FARS2: variants seen among roughly 807,000 people sequenced by gnomAD.
FARS2 encodes the protein phenylalanyl-tRNA synthetase 2, mitochondrial, also known as phenylalanine--tRNA ligase, mitochondrial.
A neutral mutation model predicts 46.4 loss-of-function variants in FARS2; 40 were observed. The ratio of observed to expected loss-of-function variants is 0.86; its 90% CI spans 0.67 to 1.12. The LOEUF is 1.12. FARS2 is among the 50% of genes most tolerant of loss of function. The pLI is 0.00. For missense variants in FARS2, 513 were observed against 567.9 expected (o/e 0.90, Z 0.98); for synonymous variants, 234 against 214.9 (o/e 1.09, Z -0.78).
chr6:5,724,864 T>A (rs1760147631), intron 6 of FARS2, among the ~76,000 whole-genome samples: 1 of 152,226 alleles, frequency 6.6e-6, no homozygotes, highest in African/African-American at 2.4e-5. Flanking sequence ...CTGCCCCTTT[T>A]TGGAATATAT....
intron 5 of FARS2, among the ~76,000 whole-genome samples, chr6:5,551,368 T>C (rs1481798138): frequency 6.6e-6 from 1 of 152,192 alleles, no homozygotes; most frequent in Non-Finnish European, 1.5e-5. Context: ...TCAGACAGTA[T>C]AGGTTTTCTC....
intron 3 of FARS2, among the ~76,000 whole-genome samples, chr6:5,409,794 A>G (rs534064711): frequency 4.7e-4 from 72 of 152,338 alleles, no homozygotes; most frequent in Non-Finnish European, 9.1e-4. Flanking sequence ...GTGGCCAGGC[A>G]TCCTGAAACT....
chr6:5,511,153 G>C (rs1463633264), intron 4 of FARS2, among the ~76,000 whole-genome samples: 1 of 152,202 alleles, frequency 6.6e-6, no homozygotes, highest in Non-Finnish European at 1.5e-5. Flanking sequence ...ATGAATGGTA[G>C]AGGGACAGAA....
At chr6:5,549,170 C>A (rs967959776) in intron 5 of FARS2, among the ~76,000 whole-genome samples, 1 of 148,984 alleles carries the variant, frequency 6.7e-6, no homozygotes, top group Non-Finnish European at 1.5e-5. Flanking sequence ...ACCTTCTTGA[C>A]TTTTCTGGCT....
intron 4 of FARS2, among the ~76,000 whole-genome samples, chr6:5,509,971 T>G (rs1250364478): frequency 6.6e-6 from 1 of 152,170 alleles, no homozygotes; most frequent in Non-Finnish European, 1.5e-5. Context: ...TTTATGGTGG[T>G]GTTAACTGTA....
chr6:5,389,166 C>CT (rs1760327067), intron 2 of FARS2, among the ~76,000 whole-genome samples: 1 of 152,144 alleles, frequency 6.6e-6, no homozygotes, highest in Non-Finnish European at 1.5e-5. Context: ...AAAATATCGG[C>CT]TTGCAGAAAT....
intron 6 of FARS2, among the ~76,000 whole-genome samples, chr6:5,715,652 A>G (rs1220405524): frequency 6.6e-6 from 1 of 152,234 alleles, no homozygotes; most frequent in East Asian, 1.9e-4. Context: ...ATGTATCAAT[A>G]TGGCATTCCT....
At chr6:5,456,132 T>G (rs1431811111) in intron 4 of FARS2, among the ~76,000 whole-genome samples, 5 of 152,124 alleles carry the variant, frequency 3.3e-5, no homozygotes, top group Admixed American at 2.6e-4. Context: ...GGAGGATTGC[T>G]TGAGCCTGGA....
At chr6:5,523,888 ACTT>A (rs1582348645) in intron 4 of FARS2, among the ~76,000 whole-genome samples, 1 of 152,054 alleles carries the variant, frequency 6.6e-6, no homozygotes, top group African/African-American at 2.4e-5. Flanking sequence ...AAATCCCCCT[ACTT>A]CTTTGATGGG....
At chr6:5,687,356 A>G (rs1223479542) in intron 6 of FARS2, among the ~76,000 whole-genome samples, 2 of 152,174 alleles carry the variant, frequency 1.3e-5, no homozygotes, top group African/African-American at 4.8e-5. Flanking sequence ...TCTTTAATCC[A>G]TCTCGCATTA....
chr6:5,444,509 AGAGAGG>A (rs1430156859), intron 4 of FARS2, among the ~76,000 whole-genome samples: 6,975 of 125,208 alleles, frequency 0.056, 539 homozygotes, highest in African/African-American at 0.15. Flanking sequence ...AGAGAGAGAG[AGAGAGG>A]AAAAAATCTT....
chr6:5,538,148 CA>C (rs34273142), intron 4 of FARS2, among the ~76,000 whole-genome samples: 32,406 of 108,126 alleles, frequency 0.3, 3,747 homozygotes, highest in Non-Finnish European at 0.37. Context: ...TGGAATGAGG[CA>C]AAAAAAAAAA....
At chr6:5,398,919 T>A (rs1031222745) in intron 2 of FARS2, among the ~76,000 whole-genome samples, 1 of 152,056 alleles carries the variant, frequency 6.6e-6, no homozygotes, top group African/African-American at 2.4e-5. Flanking sequence ...GTGGAAAAAA[T>A]TTGCTAACTA....
At chr6:5,446,910 C>T (rs531633727) in intron 4 of FARS2, among the ~76,000 whole-genome samples, 166 of 152,082 alleles carry the variant, frequency 1.1e-3, no homozygotes, top group Middle Eastern at 6.8e-3. Context: ...GAGGGAGAGG[C>T]GGCACTGTGT....
chr6:5,363,681 G>A (rs1758463509), intron 1 of FARS2, among the ~76,000 whole-genome samples: 1 of 152,108 alleles, frequency 6.6e-6, no homozygotes, highest in African/African-American at 2.4e-5. Flanking sequence ...AGTGGTATTT[G>A]GGTCCAGGAA....
intron 6 of FARS2, among the ~76,000 whole-genome samples, chr6:5,653,823 A>G (rs1413183100): frequency 6.6e-6 from 1 of 152,184 alleles, no homozygotes; most frequent in African/African-American, 2.4e-5. Flanking sequence ...AGTGCAGGGA[A>G]GAGAATAGTG....
rs577714452 is a variant in FARS2 at position 5,737,774 on chromosome 6, C to T, written c.1218-33517C>T. ...GGCCTTTTACCATGTACCCTTCTTC[C>T]GTCTATCTGTGCATTGCTGATAGGA... On this transcript the variant is annotated intron_variant, in intron 6 of 6. Transcript: ENST00000274680. Among the ~76,000 whole-genome samples the T allele has an allele frequency of 5.3e-5, 8 of 152,284 alleles. No homozygotes were observed. The East Asian group carries it at 7.7e-4, about 15-fold the overall frequency.
chr6:5,630,266 A>G lies in FARS2; in HGVS notation c.1217+16946A>G, dbSNP rs1776237760. Among the ~76,000 whole-genome samples the G allele has an allele frequency of 6.6e-6, 1 of 152,164 alleles. No individual in the cohort carries two copies. The highest frequency in any genetic ancestry group is 1.9e-4 in the East Asian group (1 of 5,184). On this transcript the variant is annotated intron_variant, in intron 6 of 6. Coordinates refer to ENST00000274680, the MANE Select transcript of FARS2 (RefSeq NM_006567.5). This position sits in a 1 kb window ranked among gnomAD's most constrained non-coding sequence, Gnocchi z 4.2. ...GTCAAAGAGCAGAGGCTGGGAATGAAAGCCATTGGAAGGTACAGTCTCTTG... is the reference window on the plus strand; with the variant it reads ...GTCAAAGAGCAGAGGCTGGGAATGAGAGCCATTGGAAGGTACAGTCTCTTG...
At chr6:5,694,032 G>A (rs538343829) in intron 6 of FARS2, among the ~76,000 whole-genome samples, 7 of 152,306 alleles carry the variant, frequency 4.6e-5, no homozygotes, top group Admixed American at 3.3e-4. Context: ...TCAAAGGGAG[G>A]ATTGTCAAAG....
Sources: allele counts gnomAD v4.1 joint callset (sites outside exome capture counted in the v4.1 genomes callset), GRCh38; gene constraint gnomAD v4.1.1; non-coding constraint Gnocchi (gnomAD v3.1); transcripts MANE v1.5; gene names NCBI Gene and HGNC (gene_info 2026-07-23, HGNC 2026-07-21).